DHX30: variants seen among roughly 807,000 people sequenced by gnomAD.
DHX30 encodes ATP-dependent RNA helicase DHX30.
In DHX30, 4 loss-of-function variants were observed where a neutral mutation model predicts 116.9. The observed-to-expected ratio is 0.03, with a 90% CI of 0.02 to 0.08. DHX30 has a LOEUF of 0.08. Ranked by LOEUF, DHX30 falls within the 10% of genes least tolerant of loss-of-function variation. DHX30 has a pLI of 1.00. For missense variants in DHX30, 871 were observed against 1,595.1 expected, an observed-to-expected ratio of 0.55 and a Z score of 7.73; for synonymous variants, 697 against 651.7, an observed-to-expected ratio of 1.07 and a Z score of -1.06.
chr3:47,840,814 G>A (rs113605358), intron 6 of DHX30, 63 bp from the exon 7 acceptor site: 19 of 1,603,042 alleles, frequency 1.2e-5, no homozygotes, highest in Admixed American at 1.0e-4. Context: ...AGCTGGACAC[G>A]GACCAGGCCG....
intron 2 of DHX30, 150 bp from the exon 3 acceptor site, chr3:47,810,507 C>T (rs2106941378): frequency 3.2e-6 from 2 of 634,868 alleles, no homozygotes. Context: ...TTCCAGTCCT[C>T]AAGACTGGGG....
chr3:47,842,204 A>G (rs2037406689), intron 8 of DHX30: 1 of 157,082 alleles, frequency 6.4e-6, no homozygotes, highest in Middle Eastern at 3.2e-3. Flanking sequence ...ACCCCAATTG[A>G]CCCCTTAATT....
chr3:47,827,951 T>C (rs1336714043), intron 5 of DHX30, among the ~76,000 whole-genome samples: 1 of 152,058 alleles, frequency 6.6e-6, no homozygotes, highest in Non-Finnish European at 1.5e-5. Context: ...CTCAAACTCC[T>C]GGGATCAAGT....
intron 6 of DHX30, among the ~76,000 whole-genome samples, chr3:47,831,935 T>C (rs918767788): frequency 2.0e-5 from 3 of 149,112 alleles, no homozygotes; most frequent in Non-Finnish European, 3.0e-5. Context: ...TTTTTCTTTT[T>C]TTTTTTTTTT....
chr3:47,846,350 G>T lies in DHX30; in HGVS notation c.1278G>T (p.Pro426=), dbSNP rs770607994. ...SLLELWRRRG[P]VWQEAPQLPV... is the part of the protein sequence containing the mutation. ...TAGAACTGTGGCGGCGGCGAGGGCC[G>T]GTCTGGCAGGAGGCCCCCCAGCTAC... Residue 426 remains proline (P), a synonymous_variant, in exon 11 of 22, where the codon CCG becomes CCT. Coordinates refer to ENST00000445061, the MANE Select transcript of DHX30 (RefSeq NM_138615.3). 2 of 1,613,950 alleles carry T rather than the reference G, an allele frequency of 1.2e-6. No individual in the cohort carries two copies. Among genetic ancestry groups the T allele is most frequent in the African/African-American group, 2.7e-5 (2 of 74,946 alleles).
At chr3:47,812,756 C>T (rs1372620388) in intron 3 of DHX30, among the ~76,000 whole-genome samples, 4 of 150,034 alleles carry the variant, frequency 2.7e-5, no homozygotes, top group Non-Finnish European at 4.4e-5. Context: ...CTCTGCCTCC[C>T]GGGTTCAAGC....
At chr3:47,841,498 G>T in intron 7 of DHX30, 119 bp from the exon 8 acceptor site, 3 of 1,399,594 alleles carry the variant, frequency 2.1e-6, no homozygotes, top group East Asian at 4.6e-5. Context: ...TCCATTTCAT[G>T]CCTTCTGCCC....
chr3:47,847,362 C>G lies in DHX30; in HGVS notation c.2005+14C>G, dbSNP rs1031391979. ...GCGGGGAACCAGGTGGGTGCCTCCCCATCTGTCCCATGCTAGCCCTGGCCA... is the reference window on the plus strand; with the variant it reads ...GCGGGGAACCAGGTGGGTGCCTCCCGATCTGTCCCATGCTAGCCCTGGCCA... On this transcript the variant is annotated intron_variant, in intron 12 of 21. Transcript: ENST00000445061. This position sits in a 1 kb window ranked among gnomAD's most constrained non-coding sequence, Gnocchi z 5.5. The G allele has an allele frequency of 6.2e-7, 1 of 1,614,248 alleles. No individual in the cohort carries two copies. The highest frequency in any genetic ancestry group is 1.1e-5 in the South Asian group (1 of 91,090).
At position 47,836,800 on chromosome 3, in the gene DHX30, C is replaced by T. The variant is rs138383439; in HGVS notation, c.367-4077C>T. ...TGCTGGGATTACAGGTGTGAGCCAC[C>T]GTGCCCAGCCTAGTTGTTTTTGTTT... On this transcript the variant is annotated intron_variant, in intron 6 of 21. Coordinates refer to ENST00000445061, the MANE Select transcript of DHX30 (RefSeq NM_138615.3). Among the ~76,000 whole-genome samples the T allele has an allele frequency of 6.0e-4, 92 of 152,256 alleles. 1 individual carries two copies. In the East Asian group the frequency reaches 0.017, roughly 28 times the overall value.
At chr3:47,829,306 ATATATATATTT>A (rs1276247388) in intron 6 of DHX30, among the ~76,000 whole-genome samples, 172 bp downstream of exon 6, 1 of 33,442 alleles carries the variant, frequency 3.0e-5, no homozygotes, top group Non-Finnish European at 6.9e-5. Context: ...ATATATATAT[ATATATATATTT>A]TTTTTTTTTT....
intron 6 of DHX30, chr3:47,831,041 C>G (rs1030754675): frequency 6.6e-6 from 1 of 151,996 alleles, no homozygotes; most frequent in African/African-American, 2.4e-5. Flanking sequence ...ATTCTGGGCC[C>G]CCATAGTACC....
In DHX30 at chr3:47,846,933, C is replaced by T; in HGVS notation, c.1861C>T (p.His621Tyr). The T allele has an allele frequency of 2.5e-6, 4 of 1,613,666 alleles. No individual in the cohort carries two copies. Among genetic ancestry groups the T allele is most frequent in the Non-Finnish European group, 3.4e-6 (4 of 1,180,030 alleles). The change falls in exon 11 of 22, where the codon CAC becomes TAC. Residue 621 changes from histidine (H) to tyrosine (Y), a missense_variant. Around this residue, in one of 13 missense-constraint regions of DHX30, gnomAD observed 61 missense variants for 106.7 expected, o/e 0.57. Transcript: ENST00000445061. Reference sequence around the variant, plus strand: ...TGGCTTCATGTACCCAGTCAAGGAGCACTACCTAGAGGACATCCTGGCCAA... The same window carrying T: ...TGGCTTCATGTACCCAGTCAAGGAGTACTACCTAGAGGACATCCTGGCCAA... ...VPGFMYPVKE[H>Y]YLEDILAKLG...
chr3:47,815,896 A>G, intron 3 of DHX30: 1 of 982,696 alleles, frequency 1.0e-6, no homozygotes, highest in Non-Finnish European at 1.2e-6. Context: ...CCAATTGCTG[A>G]AAATGCTTAA....
rs574368840 is a variant in DHX30, at chr3:47,816,133, GT to G, written c.29-1885del. 4.3e-5 allele frequency: 42 copies of G among 983,400 alleles called. No homozygotes were observed. In the East Asian group the frequency reaches 3.4e-3, roughly 80 times the overall value. The allele number at this position is 983,400 out of a possible 1,614,324, so 60.9% of individuals were successfully genotyped here. On this transcript the variant is annotated intron_variant, in intron 3 of 21. Coordinates refer to ENST00000445061, the MANE Select transcript of DHX30 (RefSeq NM_138615.3). Reference sequence around the variant, plus strand: ...GCACGTCTGCTGTAACTCTATGTATGTTTTCTGTAAAATCACATACCTATAA... The same window carrying G: ...GCACGTCTGCTGTAACTCTATGTATGTTTCTGTAAAATCACATACCTATAA...
intron 2 of DHX30, among the ~76,000 whole-genome samples, chr3:47,805,775 A>G (rs910746908): frequency 6.6e-6 from 1 of 152,166 alleles, no homozygotes; most frequent in Non-Finnish European, 1.5e-5. Context: ...CCCTGACGTC[A>G]GGTGATCAGC....
intron 2 of DHX30, among the ~76,000 whole-genome samples, chr3:47,808,958 G>A (rs1232187820): frequency 1.3e-5 from 2 of 151,680 alleles, no homozygotes; most frequent in East Asian, 1.9e-4. Flanking sequence ...GTGCGATCTC[G>A]GCTCACTGCA....
At chr3:47,819,207 T>C (rs2036190194) in intron 4 of DHX30, 2 of 1,367,382 alleles carry the variant, frequency 1.5e-6, no homozygotes, top group African/African-American at 1.5e-5. Context: ...TTTTTTTTTC[T>C]TTCTTAAAAT....
At chr3:47,824,729 C>A in intron 4 of DHX30, 1 of 298,860 alleles carries the variant, frequency 3.3e-6, no homozygotes, top group East Asian at 5.8e-5. Flanking sequence ...CCTTAGATGA[C>A]ATTGAGCTAA....
intron 9 of DHX30, among the ~76,000 whole-genome samples, chr3:47,843,991 C>T (rs563580435): frequency 3.0e-4 from 46 of 152,324 alleles, no homozygotes; most frequent in African/African-American, 9.6e-4. Context: ...CGTGAGCCAC[C>T]GCTCCTGGCC....
Sources: allele counts gnomAD v4.1 joint callset (sites outside exome capture counted in the v4.1 genomes callset), GRCh38; gene constraint gnomAD v4.1.1; regional missense constraint gnomAD v4.1.1; non-coding constraint Gnocchi (gnomAD v3.1); transcripts MANE v1.5; gene names NCBI Gene and HGNC (gene_info 2026-07-23, HGNC 2026-07-21).